Variants in SYT13 observed in about 807,000 individuals in gnomAD.
SYT13 encodes the protein synaptotagmin-13.
In SYT13, 21 loss-of-function variants were observed where a neutral mutation model predicts 38.6. The observed-to-expected ratio is 0.54, with a 90% CI of 0.39 to 0.78. The LOEUF is 0.78. SYT13 is among the 30% of genes least tolerant of loss of function. The pLI is 0.00. For synonymous variants in SYT13, 241 were observed against 237.6 expected (o/e 1.01, Z -0.13); for missense variants, 495 against 548.7 (o/e 0.90, Z 0.98).
intron 1 of SYT13, among the ~76,000 whole-genome samples, chr11:45,261,170 C>T (rs1308774365): frequency 2.6e-5 from 4 of 152,124 alleles, no homozygotes; most frequent in African/African-American, 9.7e-5. Context: ...AGTGAGATAC[C>T]ACCTCACACC....
intron 2 of SYT13, 156 bp from the exon 3 acceptor site, chr11:45,254,560 G>T: frequency 2.9e-6 from 3 of 1,040,322 alleles, no homozygotes; most frequent in South Asian, 1.9e-5. Flanking sequence ...CAACAGGTGG[G>T]GTCAATGTCA....
intron 1 of SYT13, among the ~76,000 whole-genome samples, chr11:45,281,867 T>A (rs1855078587): frequency 6.6e-6 from 1 of 152,172 alleles, no homozygotes. Flanking sequence ...AAAAGAAGGC[T>A]TTCTGAAAAC....
At chr11:45,248,926 C>A (rs1162854544) in intron 4 of SYT13, among the ~76,000 whole-genome samples, 5 of 152,232 alleles carry the variant, frequency 3.3e-5, no homozygotes, top group Non-Finnish European at 5.9e-5. Context: ...CTAAAGTAAT[C>A]CTTTCTTTCT....
intron 1 of SYT13, among the ~76,000 whole-genome samples, chr11:45,275,444 TA>T (rs1854999481): frequency 6.6e-6 from 1 of 152,232 alleles, no homozygotes; most frequent in South Asian, 2.1e-4. Flanking sequence ...GATCTGTTCC[TA>T]AAAACATGGT....
chr11:45,267,583 C>T (rs927334452), intron 1 of SYT13, among the ~76,000 whole-genome samples: 14 of 152,136 alleles, frequency 9.2e-5, no homozygotes, highest in Non-Finnish European at 7.3e-5. Context: ...GACACCCCCT[C>T]TCTCATGTTA....
At position 45,245,574 on chromosome 11, in the gene SYT13, C is replaced by G. The variant is rs78919544; in HGVS notation, c.976+809G>C. Among the ~76,000 whole-genome samples the G allele has an allele frequency of 1.4e-3, 212 of 152,312 alleles. 4 individuals carry two copies. The East Asian group carries it at 0.033, about 24-fold the overall frequency. On this transcript the variant is annotated intron_variant, in intron 5 of 5. Transcript: ENST00000020926. ...GCAGTGGCAATTCTTTATTTGTACC[C>G]TGCTATAAATAGAGACTTATTTATA...
At chr11:45,264,529 A>G (rs1263166186) in intron 1 of SYT13, among the ~76,000 whole-genome samples, 1 of 152,140 alleles carries the variant, frequency 6.6e-6, no homozygotes, top group African/African-American at 2.4e-5. Flanking sequence ...CAACAACCAC[A>G]AGAGCAAGCT....
At chr11:45,278,506 T>G (rs1855035529) in intron 1 of SYT13, among the ~76,000 whole-genome samples, 2 of 152,120 alleles carry the variant, frequency 1.3e-5, no homozygotes, top group Admixed American at 1.3e-4. Context: ...TGGTTTGTCT[T>G]TCAGGTGTTT....
Position 45,252,688 on chromosome 11 carries a change from G to A in SYT13, c.579C>T (p.Cys193=), listed in dbSNP as rs1854693566. 1.3e-6 allele frequency: 2 copies of A among 1,591,866 alleles called. No homozygotes were observed. The highest frequency in any genetic ancestry group is 1.3e-5 in the African/African-American group (1 of 74,508). ...TATTGGCCACACTCCCTTGGACGTA[G>A]CAGTCACAGCCTCCGTCGTGGTTGC... ...VTSNHDGGCD[C]YVQGSVANRT... The change falls in exon 4 of 6, where the codon TGC becomes TGT. Residue 193 remains cysteine, a synonymous_variant. Coordinates refer to ENST00000020926, the MANE Select transcript of SYT13 (RefSeq NM_020826.3). The surrounding 1 kb of genome is among the most constrained non-coding windows in gnomAD (Gnocchi z 4.3).
Position 45,244,086 on chromosome 11 carries a change from C to T in SYT13, c.1247G>A (p.Arg416Gln), listed in dbSNP as rs572557625. Residue 416 changes from arginine (R) to glutamine (Q), a missense_variant, in exon 6 of 6, where the codon CGG (arginine) becomes CAG (glutamine). Physicochemically the swap from Arg to Gln is conservative, Grantham distance 43. Coordinates refer to ENST00000020926, the MANE Select transcript of SYT13 (RefSeq NM_020826.3). ...CAGCTGGTGCCACATGGCAATCTGCCGGCGAGGGTTTTTGAGCATCTCCTC... is the reference window on the plus strand; with the variant it reads ...CAGCTGGTGCCACATGGCAATCTGCTGGCGAGGGTTTTTGAGCATCTCCTC... ...HWEEMLKNPRRQIAMWHQLHL is the reference protein window; with the variant it reads ...HWEEMLKNPRQQIAMWHQLHL 2.5e-5 allele frequency: 40 copies of T among 1,608,314 alleles called. No homozygotes were observed. Among genetic ancestry groups the T allele is most frequent in the East Asian group, 4.5e-5 (2 of 44,814 alleles).
intron 1 of SYT13, among the ~76,000 whole-genome samples, chr11:45,260,940 A>G (rs10769132): frequency 0.82 from 125,030 of 152,118 alleles, 52,178 homozygotes; most frequent in Non-Finnish European, 0.87. Flanking sequence ...CTGCTGAGTT[A>G]TGAGACACCA....
In SYT13 at chr11:45,286,208, G is replaced by A; in HGVS notation, c.-1C>T. On this transcript the variant is annotated 5_prime_UTR_variant, in exon 1 of 6. Transcript: ENST00000020926. ...CGATCACAGGCACCGACAGCACCAT[G>A]GTGCCCGCTCCCGGCGAGGGGCTGG... The A allele has an allele frequency of 6.5e-7, 1 of 1,550,376 alleles. No individual in the cohort carries two copies. The highest frequency in any genetic ancestry group is 1.2e-5 in the South Asian group (1 of 84,854).
intron 1 of SYT13, among the ~76,000 whole-genome samples, chr11:45,266,822 A>C (rs1854887231): frequency 6.6e-6 from 1 of 152,214 alleles, no homozygotes; most frequent in Admixed American, 6.5e-5. Flanking sequence ...ACACCCAACC[A>C]ATTGTGTCCT....
intron 5 of SYT13, among the ~76,000 whole-genome samples, chr11:45,244,914 G>A (rs1854596744): frequency 6.6e-6 from 1 of 152,154 alleles, no homozygotes; most frequent in African/African-American, 2.4e-5. Context: ...ATCAAACCAG[G>A]TCCATGACAA....
intron 3 of SYT13, among the ~76,000 whole-genome samples, chr11:45,253,670 T>C (rs1854705685): frequency 6.6e-6 from 1 of 152,218 alleles, no homozygotes; most frequent in Non-Finnish European, 1.5e-5. Flanking sequence ...CGCTTGGCTC[T>C]TAGATTGTAG....
At chr11:45,245,639 T>C (rs1444839651) in intron 5 of SYT13, among the ~76,000 whole-genome samples, 1 of 152,258 alleles carries the variant, frequency 6.6e-6, no homozygotes, top group Non-Finnish European at 1.5e-5. Context: ...AGGTATTATC[T>C]GGCTAGCTGA....
At chr11:45,255,066 C>T (rs1045994223) in intron 2 of SYT13, among the ~76,000 whole-genome samples, 1 of 151,904 alleles carries the variant, frequency 6.6e-6, no homozygotes, top group Non-Finnish European at 1.5e-5. Flanking sequence ...CAGTGGCCCA[C>T]GATCATGCCA....
chr11:45,259,491 T>A (rs1373252520), intron 1 of SYT13, among the ~76,000 whole-genome samples: 2 of 152,122 alleles, frequency 1.3e-5, no homozygotes, highest in African/African-American at 2.4e-5. Flanking sequence ...CCTCAGTGGA[T>A]CTCAATTTGT....
At position 45,241,214 on chromosome 11, in the gene SYT13, T is replaced by C. The variant is rs1487370951; in HGVS notation, c.*2838A>G. 1 of 152,232 alleles carries C rather than the reference T, an allele frequency of 6.6e-6. No individual in the cohort carries two copies. The highest frequency in any genetic ancestry group is 1.5e-5 in the Non-Finnish European group (1 of 68,030). 9.4% of individuals were successfully genotyped at this position (152,232 alleles called of 1,614,324 possible). On this transcript the variant is annotated 3_prime_UTR_variant, in exon 6 of 6. Coordinates refer to ENST00000020926, the MANE Select transcript of SYT13 (RefSeq NM_020826.3). ...AACTCAGCTAGGACTTTAATTTTTA[T>C]GCCATTTGCAGTGTCTTTTTCTGCC...
Sources: gnomAD v4.1 joint callset for allele counts (sites outside exome capture counted in the v4.1 genomes callset) on GRCh38, gnomAD v4.1.1 for gene constraint, Gnocchi (gnomAD v3.1) non-coding constraint, MANE v1.5 for transcripts, NCBI Gene and HGNC (gene_info 2026-07-23, HGNC 2026-07-21) for gene names.